The following TMEM165 variants were observed in gnomAD, a reference collection of about 807,000 sequenced individuals.
The protein encoded by TMEM165 is transmembrane protein 165, also known as putative divalent cation/proton antiporter TMEM165.
A neutral mutation model predicts 30.0 loss-of-function variants in TMEM165; 19 were observed. The ratio of observed to expected loss-of-function variants is 0.63; its 90% CI spans 0.44 to 0.93. The LOEUF is 0.93. Among genes scored for constraint, TMEM165 ranks in the 40% least tolerant of loss-of-function variants. TMEM165 has a pLI of 0.00. For synonymous variants in TMEM165, 168 were observed against 162.9 expected, an observed-to-expected ratio of 1.03 and a Z score of -0.24; for missense variants, 340 against 417.0, an observed-to-expected ratio of 0.82 and a Z score of 1.61.
chr4:55,448,917 T>C (rs761816278), intron 3 of TMEM165: 6 of 1,350,746 alleles, frequency 4.4e-6, no homozygotes, highest in Non-Finnish European at 6.4e-6. Flanking sequence ...TTCCCATACA[T>C]GAGTACTTCC....
At chr4:55,419,796 A>T (rs1721889153) in intron 4 of TMEM165, among the ~76,000 whole-genome samples, 1 of 152,112 alleles carries the variant, frequency 6.6e-6, no homozygotes, top group Non-Finnish European at 1.5e-5. Context: ...GGTTTAAAAT[A>T]CAAGACAGTT....
chr4:55,435,937 T>C (rs1722844067), intron 3 of TMEM165, among the ~76,000 whole-genome samples: 2 of 152,210 alleles, frequency 1.3e-5, no homozygotes, highest in African/African-American at 4.8e-5. Context: ...GTTATGACTA[T>C]ATGAAAAACA....
chr4:55,451,039 TAA>T (rs929713996), intron 3 of TMEM165, among the ~76,000 whole-genome samples: 6 of 142,544 alleles, frequency 4.2e-5, no homozygotes, highest in African/African-American at 2.6e-5. Context: ...TCTCTCAACT[TAA>T]AAAAAAAAAA....
chr4:55,414,525 T>G (rs2109547427), intron 2 of TMEM165, among the ~76,000 whole-genome samples: 1 of 152,244 alleles, frequency 6.6e-6, no homozygotes, highest in Non-Finnish European at 1.5e-5. Context: ...CCATGGTGAT[T>G]TGTTGCACTC....
intron 3 of TMEM165, chr4:55,438,208 C>T: frequency 6.5e-7 from 1 of 1,529,594 alleles, no homozygotes. Context: ...ACTCACAAAT[C>T]TGTTCACTTA....
At chr4:55,401,993 C>T (rs1411781989) in intron 1 of TMEM165, among the ~76,000 whole-genome samples, 1 of 148,892 alleles carries the variant, frequency 6.7e-6, no homozygotes, top group Non-Finnish European at 1.5e-5. Flanking sequence ...TGGCACACAC[C>T]TGTAATCCCA....
intron 3 of TMEM165, chr4:55,432,792 A>C (rs1285705339): frequency 6.6e-6 from 1 of 152,196 alleles, no homozygotes; most frequent in Non-Finnish European, 1.5e-5. Flanking sequence ...TCTAAGCAGG[A>C]AAAGATGAGC....
chr4:55,453,260 C>G (rs1724628142), exon 4 of TMEM165: 1 of 731,382 alleles, frequency 1.4e-6, no homozygotes, highest in Non-Finnish European at 2.4e-6. Flanking sequence ...CTACACAAAC[C>G]TAAAATATAC....
intron 3 of TMEM165, among the ~76,000 whole-genome samples, chr4:55,440,260 A>G (rs1490922739): frequency 6.6e-6 from 1 of 152,208 alleles, no homozygotes; most frequent in Non-Finnish European, 1.5e-5. Flanking sequence ...ACTCCTCTCA[A>G]TTTATAAATT....
intron 1 of TMEM165, among the ~76,000 whole-genome samples, chr4:55,396,812 C>T (rs944943093): frequency 5.9e-5 from 9 of 152,208 alleles, no homozygotes; most frequent in African/African-American, 1.9e-4. Flanking sequence ...TTATGCCAAA[C>T]TGCTTACCCA....
In TMEM165 at chr4:55,396,260, T is replaced by A. The variant is rs1183218004; in HGVS notation, c.71T>A (p.Leu24Gln). 6.6e-7 allele frequency: 1 copy of A among 1,517,312 alleles called. No individual in the cohort carries two copies. Among genetic ancestry groups the A allele is most frequent in the South Asian group, 1.2e-5 (1 of 81,318 alleles). 94.0% of individuals were successfully genotyped at this position (1,517,312 alleles called of 1,614,324 possible). Residue 24 changes from leucine to glutamine, a missense_variant, in exon 1 of 6, where the codon CTG becomes CAG. By Grantham distance (113) the Leu-to-Gln change is moderately radical. This residue lies in a region of TMEM165 where 120 missense variants were observed against 109.4 expected (regional missense o/e 1.10). Transcript: ENST00000381334. ...PRLLLLFLVP[L>Q]LWAPAAVRAG... ...CTGCTTCTGCTCTTTCTGGTTCCGC[T>A]GCTGTGGGCCCCGGCTGCGGTCCGG...
intron 1 of TMEM165, among the ~76,000 whole-genome samples, chr4:55,404,708 GA>G (rs1721202044): frequency 6.6e-6 from 1 of 152,184 alleles, no homozygotes; most frequent in Non-Finnish European, 1.5e-5. Context: ...AAAGTGCTGG[GA>G]TTATAGGCAT....
At chr4:55,428,772 T>C (rs1722341194), downstream of TMEM165, 1 of 151,676 alleles carries the variant, frequency 6.6e-6, no homozygotes, top group Non-Finnish European at 1.5e-5. Flanking sequence ...CAATGAAAAA[T>C]TTACAAAGGT....
At position 55,425,367 on chromosome 4, in the gene TMEM165, C is replaced by T. The variant is rs751749181; in HGVS notation, c.899-9C>T. ...TTACTGTATTTGACTTTTTTTCTCT[C>T]TCTTCCAGTGACAATCATAGGAGGC... On this transcript the variant is annotated splice_polypyrimidine_tract_variant and intron_variant, in intron 5 of 5. Coordinates refer to ENST00000381334, the MANE Select transcript of TMEM165 (RefSeq NM_018475.5). 1 of 1,612,288 alleles carries T rather than the reference C, an allele frequency of 6.2e-7. No homozygotes were observed. Among genetic ancestry groups the T allele is most frequent in the East Asian group, 2.2e-5 (1 of 44,832 alleles).
intron 4 of TMEM165, among the ~76,000 whole-genome samples, chr4:55,422,754 A>G (rs1722034145): frequency 1.3e-5 from 2 of 151,808 alleles, no homozygotes; most frequent in Non-Finnish European, 2.9e-5. Context: ...ATTCAAGCCA[A>G]TTCTCCTGCC....
intron 3 of TMEM165, among the ~76,000 whole-genome samples, chr4:55,447,601 T>C (rs2109727437): frequency 6.6e-6 from 1 of 152,264 alleles, no homozygotes; most frequent in Non-Finnish European, 1.5e-5. Context: ...ACATGAATGC[T>C]TACTAACATT....
At chr4:55,427,541 T>A (rs1484323479), downstream of TMEM165, among the ~76,000 whole-genome samples, 3 of 150,274 alleles carry the variant, frequency 2.0e-5, no homozygotes, top group Non-Finnish European at 4.5e-5. Context: ...GACAGGGTTT[T>A]ACCATGTTGG....
chr4:55,399,885 T>C (rs905749356), intron 1 of TMEM165, among the ~76,000 whole-genome samples: 3 of 151,978 alleles, frequency 2.0e-5, no homozygotes, highest in Non-Finnish European at 4.4e-5. Flanking sequence ...AGGGTGGGTA[T>C]AATATAATAT....
intron 3 of TMEM165, chr4:55,434,592 GAA>G (rs10529257): frequency 1.8e-3 from 267 of 150,528 alleles, no homozygotes; most frequent in Non-Finnish European, 2.1e-3. Flanking sequence ...AATTTAACCT[GAA>G]AAAAAAAATC....
Sources: gnomAD v4.1 joint callset for allele counts (sites outside exome capture counted in the v4.1 genomes callset) on GRCh38, gnomAD v4.1.1 for gene constraint, gnomAD v4.1.1 regional missense constraint, MANE v1.5 for transcripts, NCBI Gene and HGNC (gene_info 2026-07-23, HGNC 2026-07-21) for gene names.